The following UGP2 variants were observed in gnomAD, a reference collection of about 807,000 sequenced individuals.
UGP2 encodes UDP-glucose pyrophosphorylase 2.
Under a neutral mutation model 49.0 loss-of-function variants are expected in UGP2, and 40 were observed. That is an observed-to-expected ratio of 0.82 (90% CI 0.63 to 1.06). The LOEUF (loss-of-function observed/expected upper bound fraction) is 1.06. Ranked by LOEUF, UGP2 falls within the 50% of genes least tolerant of loss-of-function variation. UGP2 has a pLI of 0.00. For missense variants in UGP2, 460 were observed against 603.5 expected (o/e 0.76, Z 2.49); for synonymous variants, 225 against 213.0 (o/e 1.06, Z -0.49).
At chr2:63,888,184 C>A (rs1392337743) in intron 8 of UGP2, 1 of 154,702 alleles carries the variant, frequency 6.5e-6, no homozygotes, top group Non-Finnish European at 1.4e-5. Context: ...TGTAATTTTA[C>A]ATTGAGTGGC....
At chr2:63,866,831 T>G (rs565214013) in intron 3 of UGP2, among the ~76,000 whole-genome samples, 2 of 152,292 alleles carry the variant, frequency 1.3e-5, no homozygotes, top group South Asian at 4.1e-4. Context: ...CTATGCCTTA[T>G]AGCAGTCTAG....
intron 1 of UGP2, among the ~76,000 whole-genome samples, chr2:63,853,256 A>G (rs1248787868): frequency 6.6e-6 from 1 of 152,172 alleles, no homozygotes; most frequent in Non-Finnish European, 1.5e-5. Context: ...GACTGTAGTG[A>G]GCCCAGAAGA....
chr2:63,860,762 A>ATTTTTTTT (rs556819048), intron 3 of UGP2, among the ~76,000 whole-genome samples: 4 of 123,702 alleles, frequency 3.2e-5, no homozygotes, highest in East Asian at 2.6e-4. Flanking sequence ...GGCCCAGCTA[A>ATTTTTTTT]TTTTTTTTTT....
Position 63,887,471 on chromosome 2 carries a change from A to C in UGP2, c.1141A>C (p.Asn381His), listed in dbSNP as rs757550246. The C allele has an allele frequency of 1.9e-6, 3 of 1,614,052 alleles. No homozygotes were observed. The highest frequency in any genetic ancestry group is 2.5e-6 in the Non-Finnish European group (3 of 1,179,998). The stretch of plus-strand genomic sequence containing the variant: ...AGGGGCTGCCATCAAAAGTTTTGAG[A>C]ATTCTCTAGGTATTAATGTGCCAAG... The part of the protein sequence containing the change: ...AVGAAIKSFE[N>H]SLGINVPRSR... Residue 381 changes from asparagine (N) to histidine (H), a missense_variant, in exon 8 of 10, where the codon AAT (asparagine) becomes CAT (histidine). Coordinates refer to ENST00000337130, the MANE Select transcript of UGP2 (RefSeq NM_006759.4).
intron 1 of UGP2, among the ~76,000 whole-genome samples, chr2:63,854,110 TA>T (rs987654003): frequency 5.9e-5 from 9 of 152,166 alleles, no homozygotes; most frequent in Non-Finnish European, 1.3e-4. Context: ...GGAATGGGAC[TA>T]AAAAAACATG....
Position 63,881,348 on chromosome 2 carries a change from TACACACACACAC to T in UGP2, c.256-1099_256-1088del, listed in dbSNP as rs34467113. ...TTCTTTCCCAGTCACACCTACCCAT[TACACACACACAC>T]ACACACACACACACACACGTTCCTA... is the stretch of plus-strand genomic sequence containing the variant. On this transcript the variant is annotated intron_variant, in intron 3 of 9. Coordinates refer to ENST00000337130, the MANE Select transcript of UGP2 (RefSeq NM_006759.4). 8.5e-3 allele frequency among the ~76,000 whole-genome samples: 1,235 copies of T among 145,922 alleles called. 21 individuals carry two copies. Among genetic ancestry groups the T allele is most frequent in the African/African-American group, 0.029 (1,166 of 39,674 alleles).
chr2:63,882,379 G>A (rs1461287327), intron 3 of UGP2, 87 bp from the exon 4 acceptor site: 4 of 1,220,490 alleles, frequency 3.3e-6, no homozygotes, highest in Non-Finnish European at 4.4e-6. Context: ...AAACTTTATG[G>A]AAGCATGGAA....
In UGP2 at chr2:63,856,400, A is replaced by G. The variant is rs757068134; in HGVS notation, c.114A>G (p.Lys38=). 6.2e-7 allele frequency: 1 copy of G among 1,613,228 alleles called. No homozygotes were observed. The highest frequency in any genetic ancestry group is 1.3e-5 in the African/African-American group (1 of 74,904). The change falls in exon 2 of 10, where the codon AAA becomes AAG. Residue 38 remains lysine (K), a synonymous_variant. Transcript: ENST00000337130. ...TATCTGTGAAGAAGGAACTAGAAAAAATACTCACCACAGCATCATCACATG... is the reference window on the plus strand; with the variant it reads ...TATCTGTGAAGAAGGAACTAGAAAAGATACTCACCACAGCATCATCACATG... ...LELSVKKELE[K]ILTTASSHEF...
At position 63,880,152 on chromosome 2, in the gene UGP2, C is replaced by G. The variant is rs751144366; in HGVS notation, c.256-2314C>G. ...TTCTTTCCTTCCTCTCCTCTCCCCTCTCCCCTTCCCCCTTCCCCCTACCCC... is the reference window on the plus strand; with the variant it reads ...TTCTTTCCTTCCTCTCCTCTCCCCTGTCCCCTTCCCCCTTCCCCCTACCCC... On this transcript the variant is annotated intron_variant, in intron 3 of 9. Coordinates refer to ENST00000337130, the MANE Select transcript of UGP2 (RefSeq NM_006759.4). Among the ~76,000 whole-genome samples the G allele has an allele frequency of 1.2e-3, 176 of 150,262 alleles. 1 individual carries two copies. Among genetic ancestry groups the G allele is most frequent in the Non-Finnish European group, 2.2e-3 (147 of 67,076 alleles).
intron 8 of UGP2, 183 bp from the exon 9 acceptor site, chr2:63,889,898 C>A: frequency 1.9e-6 from 1 of 515,530 alleles, no homozygotes; most frequent in Non-Finnish European, 3.4e-6. Context: ...TTTGTAGCTC[C>A]TGGTCTTTCC....
At chr2:63,884,919 TAAA>T (rs906726447) in intron 5 of UGP2, among the ~76,000 whole-genome samples, 2 of 137,582 alleles carry the variant, frequency 1.5e-5, no homozygotes, top group African/African-American at 5.3e-5. Context: ...AAAATAAAAA[TAAA>T]AAAGAAGGAC....
At chr2:63,867,588 A>G (rs1670266528) in intron 3 of UGP2, among the ~76,000 whole-genome samples, 1 of 152,174 alleles carries the variant, frequency 6.6e-6, no homozygotes, top group South Asian at 2.1e-4. Flanking sequence ...CAGTAAAAAC[A>G]ATGGAATTAA....
intron 3 of UGP2, among the ~76,000 whole-genome samples, chr2:63,879,090 G>A (rs1032013888): frequency 6.6e-6 from 1 of 151,810 alleles, no homozygotes; most frequent in South Asian, 2.1e-4. Flanking sequence ...ATTAAACATG[G>A]TTCCTAAAGC....
Position 63,856,363 on chromosome 2 carries a change from A to C in UGP2, c.77A>C (p.Gln26Pro). The C allele has an allele frequency of 6.2e-7, 1 of 1,614,032 alleles. No homozygotes were observed. The highest frequency in any genetic ancestry group is 8.5e-7 in the Non-Finnish European group (1 of 1,180,020). Reference sequence around the variant, plus strand: ...TCTCAGTTCCAAGAAGTCATTCGGCAAGAGCTAGAATTATCTGTGAAGAAG... The same window carrying C: ...TCTCAGTTCCAAGAAGTCATTCGGCCAGAGCTAGAATTATCTGTGAAGAAG... ...GASQFQEVIR[Q>P]ELELSVKKEL... Residue 26 changes from glutamine (Q) to proline (P), a missense_variant, in exon 2 of 10, where the codon CAA becomes CCA. Physicochemically the swap from Gln to Pro is moderately conservative, Grantham distance 76. Transcript: ENST00000337130.
chr2:63,868,900 G>A (rs1009941441), intron 3 of UGP2, among the ~76,000 whole-genome samples: 3 of 151,896 alleles, frequency 2.0e-5, no homozygotes, highest in East Asian at 1.9e-4. Context: ...CTTGAACCTG[G>A]GAGGCAATGA....
chr2:63,877,169 G>A (rs1159834344), intron 3 of UGP2, among the ~76,000 whole-genome samples: 3 of 152,246 alleles, frequency 2.0e-5, no homozygotes, highest in Non-Finnish European at 4.4e-5. Context: ...GATTGCTTTT[G>A]CAGTCACCAT....
chr2:63,842,226 A>G (rs758940682), intron 1 of UGP2, 22 bp downstream of exon 1: 2 of 1,609,858 alleles, frequency 1.2e-6, no homozygotes, highest in Non-Finnish European at 1.7e-6. Flanking sequence ...TGCTGCTTAT[A>G]TCCCGAGTTG....
At chr2:63,884,860 G>T (rs1330275948) in intron 5 of UGP2, among the ~76,000 whole-genome samples, 3 of 151,790 alleles carry the variant, frequency 2.0e-5, no homozygotes, top group Non-Finnish European at 4.4e-5. Flanking sequence ...TTGTGCTACT[G>T]TACTCCAGCC....
At chr2:63,846,457 T>C (rs533829574) in intron 1 of UGP2, among the ~76,000 whole-genome samples, 1 of 151,904 alleles carries the variant, frequency 6.6e-6, no homozygotes. Flanking sequence ...AAAAAAATGA[T>C]TCTAAATGTG....
Sources: gnomAD v4.1 joint callset for allele counts (sites outside exome capture counted in the v4.1 genomes callset) on GRCh38, gnomAD v4.1.1 for gene constraint, MANE v1.5 for transcripts, NCBI Gene and HGNC (gene_info 2026-07-23, HGNC 2026-07-21) for gene names.